The following HIVEP3 variants were observed in gnomAD, a reference collection of about 807,000 sequenced individuals.
The protein encoded by HIVEP3 is HIVEP zinc finger 3.
In HIVEP3, 49 loss-of-function variants were observed where a neutral mutation model predicts 152.8. That is an observed-to-expected ratio of 0.32 (90% CI 0.26 to 0.41). HIVEP3 has a LOEUF of 0.41. Among genes scored for constraint, HIVEP3 ranks in the 10% least tolerant of loss-of-function variants. The probability of loss-of-function intolerance (pLI) is 1.00; values close to 1 mark genes in which losing one functional copy is unlikely to be tolerated. For synonymous variants in HIVEP3, 1,269 were observed against 1,289.0 expected, an observed-to-expected ratio of 0.98 and a Z score of 0.33; for missense variants, 2,790 against 3,103.3, an observed-to-expected ratio of 0.90 and a Z score of 2.40.
chr1:42,008,226 A>G (rs1645472171), intron 1 of HIVEP3, among the ~76,000 whole-genome samples: 1 of 152,356 alleles, frequency 6.6e-6, no homozygotes, highest in African/African-American at 2.4e-5. Flanking sequence ...TGCCACTTGA[A>G]GAATAATGTT....
At chr1:41,895,971 G>A (rs942352981) in intron 1 of HIVEP3, among the ~76,000 whole-genome samples, 8 of 152,144 alleles carry the variant, frequency 5.3e-5, no homozygotes, top group Non-Finnish European at 7.4e-5. Flanking sequence ...GGCACTGCCC[G>A]GATGAATATT....
chr1:41,827,723 A>G (rs550189937), intron 1 of HIVEP3, among the ~76,000 whole-genome samples: 1 of 152,318 alleles, frequency 6.6e-6, no homozygotes, highest in East Asian at 1.9e-4. Context: ...TTCCAGTAGA[A>G]CCACATCATA....
chr1:41,949,528 T>C (rs1645094056), intron 1 of HIVEP3, among the ~76,000 whole-genome samples: 1 of 152,160 alleles, frequency 6.6e-6, no homozygotes, highest in Non-Finnish European at 1.5e-5. Flanking sequence ...GCTGTTATTA[T>C]GTTAATCAAT....
At position 41,533,267 on chromosome 1, in the gene HIVEP3, G is replaced by A. The variant is rs1278581561; in HGVS notation, c.5208-8357C>T. On this transcript the variant is annotated intron_variant, in intron 5 of 8. Coordinates refer to ENST00000372583, the MANE Select transcript of HIVEP3 (RefSeq NM_024503.5). This position sits in a 1 kb window ranked among gnomAD's most constrained non-coding sequence, Gnocchi z 4.3. ...TCCCCAAGCCTGAGGTAGACCTGCC[G>A]GGCTCTGGGTCCAGCTCCTCCTGCG... Among the ~76,000 whole-genome samples, 2 of 152,090 alleles carry A rather than the reference G, an allele frequency of 1.3e-5. No homozygotes were observed. Among genetic ancestry groups the A allele is most frequent in the African/African-American group, 2.4e-5 (1 of 41,394 alleles).
upstream of HIVEP3, among the ~76,000 whole-genome samples, chr1:41,920,577 G>GTT (rs10708045): frequency 0.11 from 13,785 of 123,038 alleles, 901 homozygotes; most frequent in East Asian, 0.42. Context: ...AAACAAGATG[G>GTT]TTTTTTTTTT....
At chr1:41,609,119 G>A (rs1341625069) in intron 3 of HIVEP3, among the ~76,000 whole-genome samples, 1 of 152,138 alleles carries the variant, frequency 6.6e-6, no homozygotes, top group African/African-American at 2.4e-5. Flanking sequence ...AGAGGTGGAG[G>A]TGGGCACTTG....
At chr1:41,658,994 C>T (rs528674002) in intron 2 of HIVEP3, among the ~76,000 whole-genome samples, 38 of 152,244 alleles carry the variant, frequency 2.5e-4, no homozygotes, top group Non-Finnish European at 3.8e-4. Flanking sequence ...AGGGCAGCCC[C>T]GCCCCACAAA....
At chr1:42,008,521 A>C (rs569572905) in intron 1 of HIVEP3, among the ~76,000 whole-genome samples, 1 of 152,234 alleles carries the variant, frequency 6.6e-6, no homozygotes, top group Non-Finnish European at 1.5e-5. Flanking sequence ...CAATTGTTAT[A>C]CTGGGATTTC....
intron 1 of HIVEP3, among the ~76,000 whole-genome samples, chr1:42,035,202 T>A (rs1035802724): frequency 1.3e-5 from 2 of 152,112 alleles, no homozygotes; most frequent in African/African-American, 2.4e-5. Flanking sequence ...GACTGAGCCG[T>A]CCCCAGACTG....
intron 1 of HIVEP3, among the ~76,000 whole-genome samples, chr1:41,702,141 T>C (rs1216140255): frequency 1.3e-5 from 2 of 151,974 alleles, no homozygotes; most frequent in Non-Finnish European, 2.9e-5. Flanking sequence ...GGTAAGGGCC[T>C]GGCACCAAGC....
chr1:41,943,247 A>G (rs1007883189), intron 1 of HIVEP3, among the ~76,000 whole-genome samples: 1 of 152,214 alleles, frequency 6.6e-6, no homozygotes, highest in Admixed American at 6.5e-5. Context: ...ATGGAAAGAT[A>G]AACCAAAAAT....
At chr1:41,620,336 CAT>C (rs570177003) in intron 3 of HIVEP3, among the ~76,000 whole-genome samples, 3 of 152,218 alleles carry the variant, frequency 2.0e-5, no homozygotes, top group African/African-American at 4.8e-5. Context: ...TTACCCATGA[CAT>C]AGTTTCTTTT....
At position 41,511,141 on chromosome 1, in the gene HIVEP3, G is replaced by A; in HGVS notation, c.6531C>T (p.Phe2177=). 1 of 1,614,204 alleles carries A rather than the reference G, an allele frequency of 6.2e-7. No individual in the cohort carries two copies. The highest frequency in any genetic ancestry group is 8.5e-7 in the Non-Finnish European group (1 of 1,180,030). Residue 2177 remains phenylalanine, a synonymous_variant, in exon 9 of 9, where the codon TTC becomes TTT. Transcript: ENST00000372583. The surrounding 1 kb of genome is among the most constrained non-coding windows in gnomAD (Gnocchi z 4.9). ...GCTGGGAGTGCAGAGGCAGGTGGCT[G>A]AAGATGTTCTCCTCTGTCCGGGCCA... The part of the protein sequence containing the change: ...HILARTEENI[F]SHLPLHSQHL...
At chr1:41,791,742 C>T (rs1448621956) in intron 1 of HIVEP3, among the ~76,000 whole-genome samples, 1 of 152,106 alleles carries the variant, frequency 6.6e-6, no homozygotes. Flanking sequence ...TGCAGAAAAT[C>T]GAATCCTAGC....
intron 3 of HIVEP3, among the ~76,000 whole-genome samples, chr1:41,615,258 A>G (rs1558117163): frequency 6.6e-6 from 1 of 152,234 alleles, no homozygotes; most frequent in Non-Finnish European, 1.5e-5. Flanking sequence ...CAGTCAATTA[A>G]AGAACTTCCA....
Position 41,580,503 on chromosome 1 carries a change from A to G in HIVEP3, c.4295T>C (p.Leu1432Pro). 1 of 1,614,184 alleles carries G rather than the reference A, an allele frequency of 6.2e-7. No homozygotes were observed. The highest frequency in any genetic ancestry group is 8.5e-7 in the Non-Finnish European group (1 of 1,180,032). Residue 1432 changes from leucine to proline, a missense_variant, in exon 4 of 9, where the codon CTT becomes CCT. This residue lies in a region of HIVEP3 where 1,078 missense variants were observed against 1,165.3 expected (regional missense o/e 0.93). Transcript: ENST00000372583. ...SSTAGGSKRV[L>P]SPAGSLELTM... is the part of the protein sequence containing the mutation. ...AAGTTCAAGGCTGCCAGCTGGTGAA[A>G]GGACACGTTTGCTTCCCCCTGCTGT...
intron 1 of HIVEP3, among the ~76,000 whole-genome samples, chr1:41,888,228 AT>A (rs1330314125): frequency 2.8e-5 from 2 of 70,652 alleles, no homozygotes; most frequent in African/African-American, 5.4e-5. Context: ...TTTTTTTTGT[AT>A]TTTTAGTAGA....
In HIVEP3 at chr1:41,628,826, T is replaced by C. The variant is rs982391776; in HGVS notation, c.-599A>G. ...GAAAGCCAGCATTCATGTCCACTCCTACGGCAGCCACCCTCCACCTAGGCG... is the reference window on the plus strand; with the variant it reads ...GAAAGCCAGCATTCATGTCCACTCCCACGGCAGCCACCCTCCACCTAGGCG... On this transcript the variant is annotated 5_prime_UTR_variant, in exon 3 of 9. Coordinates refer to ENST00000372583, the MANE Select transcript of HIVEP3 (RefSeq NM_024503.5). 35 of 1,231,730 alleles carry C rather than the reference T, an allele frequency of 2.8e-5. No individual in the cohort carries two copies. The Admixed American group carries it at 3.4e-4, about 12-fold the overall frequency. The allele number at this position is 1,231,730 out of a possible 1,614,324, so 76.3% of individuals were successfully genotyped here.
chr1:41,655,700 C>G lies in HIVEP3; in HGVS notation c.-720-26753G>C, dbSNP rs1021022110. Among the ~76,000 whole-genome samples, 37 of 151,980 alleles carry G rather than the reference C, an allele frequency of 2.4e-4. No individual in the cohort carries two copies. In the East Asian group the frequency reaches 3.7e-3, roughly 15 times the overall value. ...CTTCATGCTTCTCCATGGCACTGAA[C>G]CCATCTGACACATTCCCTATTGCCG... On this transcript the variant is annotated intron_variant, in intron 2 of 8. Transcript: ENST00000372583.
Sources: allele counts gnomAD v4.1 joint callset (sites outside exome capture counted in the v4.1 genomes callset), GRCh38; gene constraint gnomAD v4.1.1; regional missense constraint gnomAD v4.1.1; non-coding constraint Gnocchi (gnomAD v3.1); transcripts MANE v1.5; gene names NCBI Gene and HGNC (gene_info 2026-07-23, HGNC 2026-07-21).